STAU2: variants seen among roughly 807,000 people sequenced by gnomAD.
The protein encoded by STAU2 is staufen double-stranded RNA binding protein 2.
A neutral mutation model predicts 65.9 loss-of-function variants in STAU2; 20 were observed. The ratio of observed to expected loss-of-function variants is 0.30; its 90% CI spans 0.21 to 0.44. The LOEUF (loss-of-function observed/expected upper bound fraction) is 0.44, where lower values mean the gene tolerates loss of function less well. Among genes scored for constraint, STAU2 ranks in the 20% least tolerant of loss-of-function variants. The pLI, the probability that STAU2 is intolerant of heterozygous loss-of-function variation, is 1.00. For synonymous variants in STAU2, 232 were observed against 233.9 expected, an observed-to-expected ratio of 0.99 and a Z score of 0.07; for missense variants, 558 against 683.9, an observed-to-expected ratio of 0.82 and a Z score of 2.05.
In STAU2 at chr8:73,452,541, G is replaced by A. The variant is rs550120748; in HGVS notation, c.1531-29839C>T. Among the ~76,000 whole-genome samples, 7 of 152,250 alleles carry A rather than the reference G, an allele frequency of 4.6e-5. No homozygotes were observed. In the East Asian group the frequency reaches 1.4e-3, roughly 29 times the overall value. On this transcript the variant is annotated intron_variant, in intron 13 of 14. Transcript: ENST00000524300. ...CTTTAAAATGGCTCCTTGTCTTCAG[G>A]TGGGTGAGAGCAGGGCTGTGCTCTT...
chr8:73,558,808 GCTTTGAAAAAAAAAA>G (rs1276086337), intron 12 of STAU2, among the ~76,000 whole-genome samples: 1 of 129,306 alleles, frequency 7.7e-6, no homozygotes, highest in East Asian at 2.1e-4. Context: ...TCACAGAAAA[GCTTTGAAAAAAAAAA>G]CTTTGTTTCC....
intron 13 of STAU2, among the ~76,000 whole-genome samples, chr8:73,545,074 C>A (rs559558511): frequency 6.6e-6 from 1 of 152,134 alleles, no homozygotes; most frequent in African/African-American, 2.4e-5. Flanking sequence ...CAATGTTCAA[C>A]GGGATGGCAT....
intron 3 of STAU2, among the ~76,000 whole-genome samples, chr8:73,717,189 G>A (rs891435520): frequency 2.6e-5 from 4 of 152,050 alleles, no homozygotes; most frequent in African/African-American, 7.2e-5. Context: ...ATAATAAAGA[G>A]GAATCACTAC....
intron 12 of STAU2, among the ~76,000 whole-genome samples, chr8:73,575,037 A>C (rs1391536939): frequency 6.6e-6 from 1 of 151,646 alleles, no homozygotes; most frequent in East Asian, 1.9e-4. Flanking sequence ...ATGTCATTCA[A>C]ATATATTAAA....
intron 12 of STAU2, 101 bp downstream of exon 12, chr8:73,582,669 C>T: frequency 2.9e-6 from 3 of 1,045,666 alleles, no homozygotes; most frequent in Non-Finnish European, 4.4e-6. Context: ...ATACTTAACA[C>T]AGCCTCTCAG....
In STAU2 at chr8:73,713,873, C is replaced by G. The variant is rs546764293; in HGVS notation, c.-17-4711G>C. 2.0e-4 allele frequency among the ~76,000 whole-genome samples: 30 copies of G among 152,212 alleles called. No individual in the cohort carries two copies. In the South Asian group the frequency reaches 6.2e-3, roughly 32 times the overall value. The stretch of plus-strand genomic sequence containing the variant: ...AATCATTCCAAAGAATCCTTTCCAT[C>G]CTTGGTCCCAGAAATGACTTAAACA... On this transcript the variant is annotated intron_variant, in intron 3 of 14. Transcript: ENST00000524300.
chr8:73,448,782 G>A (rs1274086518), intron 13 of STAU2, among the ~76,000 whole-genome samples: 1 of 152,250 alleles, frequency 6.6e-6, no homozygotes, highest in Non-Finnish European at 1.5e-5. Context: ...CAGCTGGAGC[G>A]ATGGTTCAGG....
chr8:73,636,690 CTG>C (rs2130082627), intron 6 of STAU2, among the ~76,000 whole-genome samples: 1 of 151,920 alleles, frequency 6.6e-6, no homozygotes, highest in South Asian at 2.1e-4. Flanking sequence ...TGGCAAAATC[CTG>C]TCTCTACTAA....
intron 13 of STAU2, among the ~76,000 whole-genome samples, chr8:73,456,110 T>C (rs148431725): frequency 2.0e-5 from 3 of 152,216 alleles, no homozygotes; most frequent in African/African-American, 7.2e-5. Context: ...GTGAGACAAA[T>C]ACCCTTAAAA....
chr8:73,599,310 C>T (rs1358754858), intron 10 of STAU2, among the ~76,000 whole-genome samples: 1 of 151,948 alleles, frequency 6.6e-6, no homozygotes, highest in Non-Finnish European at 1.5e-5. Context: ...CTTCTAAAAG[C>T]ATTATTTAGA....
At chr8:73,522,843 C>T (rs947185456) in intron 13 of STAU2, among the ~76,000 whole-genome samples, 1 of 152,170 alleles carries the variant, frequency 6.6e-6, no homozygotes, top group Non-Finnish European at 1.5e-5. Flanking sequence ...GGCCTACAGA[C>T]GTCTTCGCTA....
rs1380196904 is a variant in STAU2 at position 73,615,739 on chromosome 8, T to C, written c.614A>G (p.Asn205Ser). 6.2e-7 allele frequency: 1 copy of C among 1,613,666 alleles called. No individual in the cohort carries two copies. The highest frequency in any genetic ancestry group is 8.5e-7 in the Non-Finnish European group (1 of 1,179,958). The part of the protein sequence containing the change: ...GKDVDDDKDA[N>S]KSEISLVFEI... ...AAACACTAAGCTGATCTCAGACTTA[T>C]TTGCATCTTTGTCATCATCCACATC... Residue 205 changes from asparagine (N) to serine (S), a missense_variant, in exon 8 of 15, where the codon AAT becomes AGT. Physicochemically the swap from Asn to Ser is conservative, Grantham distance 46 (BLOSUM62 1). Coordinates refer to ENST00000524300, the MANE Select transcript of STAU2 (RefSeq NM_001164380.2).
At chr8:73,509,275 T>C (rs1822247974) in intron 13 of STAU2, among the ~76,000 whole-genome samples, 1 of 152,214 alleles carries the variant, frequency 6.6e-6, no homozygotes, top group Non-Finnish European at 1.5e-5. Flanking sequence ...CAGGTGCTTA[T>C]TAGCCAACTG....
At chr8:73,493,820 A>G (rs767193021) in intron 13 of STAU2, among the ~76,000 whole-genome samples, 6 of 151,850 alleles carry the variant, frequency 4.0e-5, no homozygotes, top group Non-Finnish European at 5.9e-5. Flanking sequence ...CATGATAGTT[A>G]AAAAATGGAA....
At chr8:73,724,090 C>CCTGGAAAG (rs1224773804) in intron 3 of STAU2, among the ~76,000 whole-genome samples, 2 of 152,220 alleles carry the variant, frequency 1.3e-5, no homozygotes, top group Non-Finnish European at 2.9e-5. Flanking sequence ...TTTCTACTCT[C>CCTGGAAAG]TATGTCACAT....
chr8:73,730,321 T>C (rs1303028484), intron 3 of STAU2, among the ~76,000 whole-genome samples: 5 of 152,348 alleles, frequency 3.3e-5, no homozygotes, highest in Admixed American at 6.5e-5. Context: ...ACTAACTTCA[T>C]TCCACTGTGA....
At position 73,596,049 on chromosome 8, in the gene STAU2, T is replaced by C. The variant is rs373483808; in HGVS notation, c.1030-752A>G. On this transcript the variant is annotated intron_variant, in intron 10 of 14. Transcript: ENST00000524300. The stretch of plus-strand genomic sequence containing the variant: ...ATCGCTTGAACCCAGTAAGTAGAGG[T>C]TGCAGTGAGCCACGATTGCGCCACT... Among the ~76,000 whole-genome samples the C allele has an allele frequency of 7.3e-5, 11 of 151,550 alleles. No homozygotes were observed. The East Asian group carries it at 1.9e-3, about 27-fold the overall frequency.
Position 73,421,421 on chromosome 8 carries a change from G to T in STAU2, c.1664C>A (p.Pro555His). The change falls in exon 15 of 15, where the codon CCC (proline) becomes CAC (histidine). Residue 555 changes from proline to histidine, a missense_variant. Transcript: ENST00000524300. ...LREKADNNQAPPGSIAQDCKK... is the reference protein window; with the variant it reads ...LREKADNNQAHPGSIAQDCKK... ...GCAGTCCTGAGCGATGGAGCCCGGG[G>T]GTGCCTGGTTATTGTCCGCTTTCTC... is the stretch of plus-strand genomic sequence containing the variant. 1.3e-6 allele frequency: 2 copies of T among 1,537,286 alleles called. No homozygotes were observed. The highest frequency in any genetic ancestry group is 1.7e-6 in the Non-Finnish European group (2 of 1,146,934).
chr8:73,701,562 T>C (rs1166228447), intron 4 of STAU2, among the ~76,000 whole-genome samples: 1 of 152,154 alleles, frequency 6.6e-6, no homozygotes, highest in Non-Finnish European at 1.5e-5. Flanking sequence ...ATGGCTTTTA[T>C]CCAAAAGTCA....
Sources: allele counts gnomAD v4.1 joint callset (sites outside exome capture counted in the v4.1 genomes callset), GRCh38; gene constraint gnomAD v4.1.1; transcripts MANE v1.5; gene names NCBI Gene and HGNC (gene_info 2026-07-23, HGNC 2026-07-21).